Variants in GPI observed in about 807,000 individuals in gnomAD.
GPI encodes the protein glucose-6-phosphate isomerase, also known as D-hexose-6-phosphate anomerase.
A neutral mutation model predicts 75.8 loss-of-function variants in GPI; 56 were observed. The observed-to-expected ratio is 0.74, with a 90% CI of 0.60 to 0.92. The LOEUF is 0.92. GPI is among the 40% of genes least tolerant of loss of function. The pLI is 0.00. For synonymous variants in GPI, 288 were observed against 285.4 expected (o/e 1.01, Z -0.09); for missense variants, 638 against 741.0 (o/e 0.86, Z 1.61).
rs7250027 is a variant in GPI at position 34,393,633 on chromosome 19, C to T, written c.866-95C>T. Reference sequence around the variant, plus strand: ...CTCCCATGTCGTATCTTCTGGCTCTCCATGCAGCCTTCCTTCGTTGCAGAA... The same window carrying T: ...CTCCCATGTCGTATCTTCTGGCTCTTCATGCAGCCTTCCTTCGTTGCAGAA... On this transcript the variant is annotated intron_variant, in intron 10 of 17. Transcript: ENST00000356487. The surrounding 1 kb of genome is among the most constrained non-coding windows in gnomAD (Gnocchi z 4.4). 983 of 1,226,014 alleles carry T rather than the reference C, an allele frequency of 8.0e-4. 3 individuals carry two copies. In the African/African-American group the frequency reaches 0.013, roughly 16 times the overall value. 75.9% of individuals were successfully genotyped at this position (1,226,014 alleles called of 1,614,324 possible). A position where few individuals can be genotyped will look rare whatever the true frequency, so the allele number is the denominator to read the frequency against.
At chr19:34,399,809 G>GC in intron 17 of GPI, 24 bp downstream of exon 17, 1 of 1,613,474 alleles carries the variant, frequency 6.2e-7, no homozygotes, top group Non-Finnish European at 8.5e-7. Flanking sequence ...TTAGGGGAGG[G>GC]CCGGGAATAC....
chr19:34,391,188 G>A (rs2074822348), intron 9 of GPI, among the ~76,000 whole-genome samples: 1 of 3,474 alleles, frequency 2.9e-4, no homozygotes, highest in East Asian at 6.4e-3. Flanking sequence ...CTAGTGTCTG[G>A]GGAAGTGAGG....
In GPI at chr19:34,381,527, C is replaced by A; in HGVS notation, c.804+8C>A. On this transcript the variant is annotated splice_region_variant and intron_variant, in intron 9 of 17. Transcript: ENST00000356487. The stretch of plus-strand genomic sequence containing the variant: ...ATGTTCGAGTTCTGGGATGTAAGTA[C>A]AAGCACTTCTGCACTGGGTGAATTA... The A allele has an allele frequency of 6.3e-7, 1 of 1,586,840 alleles. No homozygotes were observed. Among genetic ancestry groups the A allele is most frequent in the Non-Finnish European group, 8.7e-7 (1 of 1,155,416 alleles).
chr19:34,379,695 C>G lies in GPI; in HGVS notation c.750+133C>G. 3 of 817,156 alleles carry G rather than the reference C, an allele frequency of 3.7e-6. No homozygotes were observed. The South Asian group carries it at 4.0e-5, about 11-fold the overall frequency. 50.6% of individuals were successfully genotyped at this position (817,156 alleles called of 1,614,324 possible). A position where few individuals can be genotyped will look rare whatever the true frequency, so the allele number is the denominator to read the frequency against. ...CTGATGGTATGGAAGGTTTGGTTGC[C>G]TGTGGGCTGCAAGCCTTCCTTGCCT... On this transcript the variant is annotated intron_variant, in intron 8 of 17. Transcript: ENST00000356487.
chr19:34,381,537 T>C lies in GPI; in HGVS notation c.804+18T>C, dbSNP rs776266525. The C allele has an allele frequency of 6.4e-7, 1 of 1,558,236 alleles. No individual in the cohort carries two copies. Among genetic ancestry groups the C allele is most frequent in the South Asian group, 1.1e-5 (1 of 89,788 alleles). On this transcript the variant is annotated intron_variant, in intron 9 of 17. Transcript: ENST00000356487. ...TCTGGGATGTAAGTACAAGCACTTC[T>C]GCACTGGGTGAATTAAGTGTCCTTT...
In GPI at chr19:34,381,480, GTTT is replaced by G. The variant is rs768617346; in HGVS notation, c.766_768del (p.Phe256del). ...TTTTTTTGTAGACCAAAGTGAAGGA[GTTT>G]GGAATTGACCCTCAAAACATGTTCG... On this transcript the variant is annotated inframe_deletion, in exon 9 of 18. Transcript: ENST00000356487. The G allele has an allele frequency of 2.5e-6, 4 of 1,606,690 alleles. No individual in the cohort carries two copies. In the African/African-American group the frequency reaches 5.4e-5, roughly 22 times the overall value.
chr19:34,364,938 T>G (rs753445513), upstream of GPI: 1 of 1,521,090 alleles, frequency 6.6e-7, no homozygotes, highest in South Asian at 1.2e-5. Flanking sequence ...CTCCAACACC[T>G]GGGCTCCAGT....
intron 6 of GPI, 42 bp downstream of exon 6, chr19:34,377,923 GTT>G: frequency 6.2e-7 from 1 of 1,608,736 alleles, no homozygotes; most frequent in East Asian, 2.2e-5. Flanking sequence ...CCCTGTGTGT[GTT>G]GGGGTGGGGA....
Position 34,396,370 on chromosome 19 carries a change from A to G in GPI, c.1132A>G (p.Ile378Val), listed in dbSNP as rs780996802. The change falls in exon 13 of 18, where the codon ATT becomes GTT. Residue 378 changes from isoleucine to valine, a missense_variant. By Grantham distance (29) the Ile-to-Val change is conservative. Coordinates refer to ENST00000356487, the MANE Select transcript of GPI (RefSeq NM_000175.5). ...CCGTGTGGACCACCAGACAGGCCCC[A>G]TTGTGTGGGGGGAGCCAGGGACCAA... ...GTRVDHQTGP[I>V]VWGEPGTNGQ... 6.2e-6 allele frequency: 10 copies of G among 1,614,078 alleles called. No individual in the cohort carries two copies. In the South Asian group the frequency reaches 9.9e-5, roughly 16 times the overall value.
At chr19:34,364,968 C>T (rs1373622887), upstream of GPI, 1 of 1,528,340 alleles carries the variant, frequency 6.5e-7, no homozygotes, top group East Asian at 2.5e-5. Flanking sequence ...GCTCTGCCCA[C>T]CCTCCCCACT....
At chr19:34,379,879 A>G (rs372395628) in intron 8 of GPI, 20 of 527,390 alleles carry the variant, frequency 3.8e-5, no homozygotes, top group South Asian at 4.2e-5. Flanking sequence ...CATCTCCCCA[A>G]ATGTGACATG....
At chr19:34,379,370 G>T (rs1305655430) in intron 7 of GPI, 148 bp from the exon 8 acceptor site, 9 of 816,484 alleles carry the variant, frequency 1.1e-5, no homozygotes, top group Non-Finnish European at 1.8e-5. Flanking sequence ...TCTTGACCTT[G>T]ACCTCGATGT....
upstream of GPI, among the ~76,000 whole-genome samples, chr19:34,364,314 C>G (rs1452049501): frequency 1.3e-5 from 2 of 152,146 alleles, no homozygotes; most frequent in South Asian, 2.1e-4. Context: ...GTGCCCAGCC[C>G]CAGAGTTCTT....
At position 34,377,830 on chromosome 19, in the gene GPI, A is replaced by G; in HGVS notation, c.582A>G (p.Lys194=). 6.2e-7 allele frequency: 1 copy of G among 1,614,060 alleles called. No homozygotes were observed. The highest frequency in any genetic ancestry group is 8.5e-7 in the Non-Finnish European group (1 of 1,179,990). Reference sequence around the variant, plus strand: ...ACATTGATGGAACTCACATTGCCAAAACCCTGGCCCAGCTGAACCCCGAGT... The same window carrying G: ...ACATTGATGGAACTCACATTGCCAAGACCCTGGCCCAGCTGAACCCCGAGT... The part of the protein sequence containing the change: ...VSNIDGTHIA[K]TLAQLNPESS... The change falls in exon 6 of 18, where the codon AAA becomes AAG. Residue 194 remains lysine, a synonymous_variant. Transcript: ENST00000356487.
rs2074565616 is a variant in GPI at position 34,377,523 on chromosome 19, G to GA, written c.425dup (p.Tyr144ValfsTer26). 6.2e-7 allele frequency: 1 copy of GA among 1,612,914 alleles called. No individual in the cohort carries two copies. The highest frequency in any genetic ancestry group is 8.5e-7 in the Non-Finnish European group (1 of 1,179,498). On this transcript the variant is annotated frameshift_variant, in exon 5 of 18. Transcript: ENST00000356487. LOFTEE classifies it high-confidence loss of function. ...GCCAGCGTGTCCGGAGCGGTGACTG[G>GA]AAGGGGTACACAGGCAAGACCATCA...
upstream of GPI, among the ~76,000 whole-genome samples, chr19:34,360,832 C>T (rs1405969390): frequency 2.0e-5 from 3 of 152,178 alleles, no homozygotes; most frequent in East Asian, 1.9e-4. Flanking sequence ...GGCCGGAGTG[C>T]AGTGGCATGA....
chr19:34,365,460 A>G, intron 1 of GPI, 72 bp downstream of exon 1: 1 of 1,508,354 alleles, frequency 6.6e-7, no homozygotes, highest in Non-Finnish European at 8.9e-7. Flanking sequence ...TGGGGTCTGG[A>G]GGCGGGGGCA....
At chr19:34,395,901 GT>G (rs1051698089) in intron 12 of GPI, among the ~76,000 whole-genome samples, 3 of 148,792 alleles carry the variant, frequency 2.0e-5, no homozygotes, top group Non-Finnish European at 4.5e-5. Flanking sequence ...AGAGGGTTGG[GT>G]TTTTTTTCTT....
In GPI at chr19:34,377,823, T is replaced by C. The variant is rs1408056605; in HGVS notation, c.575T>C (p.Ile192Thr). 1 of 1,614,046 alleles carries C rather than the reference T, an allele frequency of 6.2e-7. No homozygotes were observed. The highest frequency in any genetic ancestry group is 1.7e-5 in the Admixed American group (1 of 60,002). ...GTCTCCAACATTGATGGAACTCACATTGCCAAAACCCTGGCCCAGCTGAAC... is the reference window on the plus strand; with the variant it reads ...GTCTCCAACATTGATGGAACTCACACTGCCAAAACCCTGGCCCAGCTGAAC... The part of the protein sequence containing the change: ...WYVSNIDGTH[I>T]AKTLAQLNPE... Residue 192 changes from isoleucine to threonine, a missense_variant, in exon 6 of 18, where the codon ATT becomes ACT. Transcript: ENST00000356487.
Sources: allele counts gnomAD v4.1 joint callset (sites outside exome capture counted in the v4.1 genomes callset), GRCh38; gene constraint gnomAD v4.1.1; non-coding constraint Gnocchi (gnomAD v3.1); transcripts MANE v1.5; gene names NCBI Gene and HGNC (gene_info 2026-07-23, HGNC 2026-07-21).